Variants in ZNF280D observed in about 807,000 individuals in gnomAD.
The protein encoded by ZNF280D is zinc finger protein 280D.
A neutral mutation model predicts 94.7 loss-of-function variants in ZNF280D; 39 were observed. That is an observed-to-expected ratio of 0.41 (90% CI 0.32 to 0.54). The LOEUF (loss-of-function observed/expected upper bound fraction) is 0.54. Among genes scored for constraint, ZNF280D ranks in the 20% least tolerant of loss-of-function variants. The pLI is 0.22. For synonymous variants in ZNF280D, 398 were observed against 377.6 expected, an observed-to-expected ratio of 1.05 and a Z score of -0.63; for missense variants, 1,090 against 1,149.3, an observed-to-expected ratio of 0.95 and a Z score of 0.75.
In ZNF280D at chr15:56,631,117, T is replaced by C. The variant is rs2140480613; in HGVS notation, c.*381A>G. 5.6e-6 allele frequency: 1 copy of C among 177,334 alleles called. No individual in the cohort carries two copies. The highest frequency in any genetic ancestry group is 1.2e-5 in the Non-Finnish European group (1 of 82,186). 11.0% of individuals were successfully genotyped at this position (177,334 alleles called of 1,614,324 possible). On this transcript the variant is annotated 3_prime_UTR_variant, in exon 22 of 22. Transcript: ENST00000267807. Reference sequence around the variant, plus strand: ...CTTCCTCTCAGTTAACTGAAAAGGATATACAGGTAATAAAGATTTTTAGCT... The same window carrying C: ...CTTCCTCTCAGTTAACTGAAAAGGACATACAGGTAATAAAGATTTTTAGCT...
intron 19 of ZNF280D, chr15:56,645,282 T>C (rs1302867892): frequency 6.6e-6 from 1 of 152,206 alleles, no homozygotes. Flanking sequence ...CCTGTGAATG[T>C]TACAATACTT....
At chr15:56,669,965 TATATATATA>T (rs1566961097) in intron 13 of ZNF280D, among the ~76,000 whole-genome samples, 35 of 1,782 alleles carry the variant, frequency 0.02, 10 homozygotes, top group African/African-American at 0.046. Context: ...ATATATATTA[TATATATATA>T]ATATATATAT....
intron 1 of ZNF280D, among the ~76,000 whole-genome samples, chr15:56,718,160 A>C (rs1353237739): frequency 4.6e-5 from 7 of 152,186 alleles, no homozygotes; most frequent in Non-Finnish European, 1.0e-4. Context: ...ATGAAACTTC[A>C]TTTTTGAATT....
intron 9 of ZNF280D, among the ~76,000 whole-genome samples, chr15:56,684,989 A>G (rs1303633328): frequency 6.6e-6 from 1 of 152,182 alleles, no homozygotes; most frequent in African/African-American, 2.4e-5. Context: ...CAGACTGCCA[A>G]ACAAGAAGAT....
At chr15:56,701,346 T>C (rs757243059) in intron 4 of ZNF280D, 108 bp from the exon 5 acceptor site, 1 of 733,384 alleles carries the variant, frequency 1.4e-6, no homozygotes, top group Non-Finnish European at 2.2e-6. Context: ...GGAAGGAGTA[T>C]ATAACTAATC....
At position 56,693,120 on chromosome 15, in the gene ZNF280D, C is replaced by T. The variant is rs1402982567; in HGVS notation, c.477G>A (p.Gly159=). Residue 159 remains glycine, a synonymous_variant, in exon 7 of 22, where the codon GGG becomes GGA. Coordinates refer to ENST00000267807, the MANE Select transcript of ZNF280D (RefSeq NM_017661.4). ...AACCTGCCATAGAAAGTGTTGGTCC[C>T]CCTTGGTAATGTGATAATCCTGTAT... ...TQDTGLSHYQ[G]GPTLSMAGMS... The T allele has an allele frequency of 2.5e-6, 4 of 1,604,038 alleles. No individual in the cohort carries two copies. Among genetic ancestry groups the T allele is most frequent in the Admixed American group, 1.7e-5 (1 of 58,778 alleles).
rs1479529344 is a variant in ZNF280D at position 56,631,861 on chromosome 15, G to A, written c.2577C>T (p.Asn859=). 17 of 1,613,634 alleles carry A rather than the reference G, an allele frequency of 1.1e-5. No homozygotes were observed. The highest frequency in any genetic ancestry group is 1.4e-5 in the Non-Finnish European group (16 of 1,180,008). ...CTTTAATCTGATCAGATAAGATTAT[G>A]TTTTCTGAACTTTGGCACATCTTCA... ...MELKMCQSSE[N]IILSDQIKDH... The change falls in exon 22 of 22, where the codon AAC becomes AAT. Residue 859 remains asparagine, a synonymous_variant. Coordinates refer to ENST00000267807, the MANE Select transcript of ZNF280D (RefSeq NM_017661.4).
intron 13 of ZNF280D, among the ~76,000 whole-genome samples, chr15:56,669,957 ATATAT>A (rs1231393581): frequency 0.029 from 115 of 3,944 alleles, 21 homozygotes; most frequent in African/African-American, 0.1. Flanking sequence ...TATTATATAT[ATATAT>A]TATATATATA....
At chr15:56,713,279 T>A (rs2057868993) in intron 1 of ZNF280D, among the ~76,000 whole-genome samples, 1 of 152,190 alleles carries the variant, frequency 6.6e-6, no homozygotes, top group South Asian at 2.1e-4. Context: ...AAATAAGTAT[T>A]GCACATAAAA....
At chr15:56,696,404 T>C (rs983443490) in intron 6 of ZNF280D, among the ~76,000 whole-genome samples, 1 of 152,198 alleles carries the variant, frequency 6.6e-6, no homozygotes, top group African/African-American at 2.4e-5. Flanking sequence ...TTATTCCTCA[T>C]TTTATAAATA....
chr15:56,720,606 C>T (rs1481900975), intron 1 of ZNF280D, among the ~76,000 whole-genome samples: 1 of 152,160 alleles, frequency 6.6e-6, no homozygotes, highest in East Asian at 1.9e-4. Context: ...AAATCATAAT[C>T]TACAGCAGTT....
chr15:56,729,604 T>G (rs969592437), intron 1 of ZNF280D: 4 of 152,200 alleles, frequency 2.6e-5, no homozygotes, highest in African/African-American at 7.2e-5. Context: ...AGAGAATGAT[T>G]TGAAGATGGC....
At chr15:56,674,068 G>A (rs372735405) in intron 13 of ZNF280D, among the ~76,000 whole-genome samples, 233 of 152,136 alleles carry the variant, frequency 1.5e-3, no homozygotes, top group African/African-American at 5.4e-3. Flanking sequence ...TTTGTTCAAT[G>A]CTATATGATA....
At position 56,668,510 on chromosome 15, in the gene ZNF280D, A is replaced by C. The variant is rs1006244995; in HGVS notation, c.1545+313T>G. 1.1e-4 allele frequency among the ~76,000 whole-genome samples: 16 copies of C among 152,230 alleles called. No homozygotes were observed. The East Asian group carries it at 1.7e-3, about 16-fold the overall frequency. ...GATCTCAAGCATCTTATAGTTTAGC[A>C]ACTAAAGTCAACATATACACTTTCA... On this transcript the variant is annotated intron_variant, in intron 14 of 21. Transcript: ENST00000267807.
intron 6 of ZNF280D, among the ~76,000 whole-genome samples, chr15:56,695,353 G>A (rs2056681437): frequency 1.3e-5 from 2 of 152,066 alleles, no homozygotes; most frequent in African/African-American, 2.4e-5. Flanking sequence ...GATTACAGGG[G>A]TAAGCCACTA....
chr15:56,688,589 C>T (rs1018500999), intron 9 of ZNF280D, among the ~76,000 whole-genome samples: 2 of 149,784 alleles, frequency 1.3e-5, no homozygotes, highest in Non-Finnish European at 3.0e-5. Context: ...AATGCTTCAA[C>T]ATTTGGAGTT....
intron 10 of ZNF280D, among the ~76,000 whole-genome samples, chr15:56,681,225 G>A (rs1387442186): frequency 6.6e-6 from 1 of 152,102 alleles, no homozygotes; most frequent in Non-Finnish European, 1.5e-5. Context: ...AGGACTCACA[G>A]GAAAACAAAT....
At chr15:56,709,560 G>C (rs4774890) in intron 1 of ZNF280D, among the ~76,000 whole-genome samples, 19 of 151,992 alleles carry the variant, frequency 1.3e-4, no homozygotes, top group African/African-American at 4.1e-4. Flanking sequence ...ACATGCACAC[G>C]TATGTTTATT....
At position 56,667,002 on chromosome 15, in the gene ZNF280D, G is replaced by T. The variant is rs756326408; in HGVS notation, c.1546-16C>A. ...GAATAGTAACCTACAAAAATAAAGAGAAGATTTGCTTTAAGAGATTAATCA... is the reference window on the plus strand; with the variant it reads ...GAATAGTAACCTACAAAAATAAAGATAAGATTTGCTTTAAGAGATTAATCA... On this transcript the variant is annotated splice_polypyrimidine_tract_variant and intron_variant, in intron 14 of 21. Coordinates refer to ENST00000267807, the MANE Select transcript of ZNF280D (RefSeq NM_017661.4). 6 of 1,532,858 alleles carry T rather than the reference G, an allele frequency of 3.9e-6. No individual in the cohort carries two copies. The East Asian group carries it at 1.4e-4, about 36-fold the overall frequency. 95.0% of individuals were successfully genotyped at this position (1,532,858 alleles called of 1,614,324 possible).
Sources: gnomAD v4.1 joint callset for allele counts (sites outside exome capture counted in the v4.1 genomes callset) on GRCh38, gnomAD v4.1.1 for gene constraint, MANE v1.5 for transcripts, NCBI Gene and HGNC (gene_info 2026-07-23, HGNC 2026-07-21) for gene names.